UST: variants seen among roughly 807,000 people sequenced by gnomAD.
UST encodes chondroitin sulfate 2-O-sulfotransferase.
UST carries 21 observed loss-of-function variants against 45.6 expected under a neutral mutation model. That is an observed-to-expected ratio of 0.46 (90% CI 0.33 to 0.66). The LOEUF (loss-of-function observed/expected upper bound fraction) is 0.66, where lower values mean the gene tolerates loss of function less well. UST is among the 30% of genes least tolerant of loss of function. The pLI is 0.02. For missense variants in UST, 463 were observed against 512.4 expected (o/e 0.90, Z 0.93); for synonymous variants, 215 against 200.6 (o/e 1.07, Z -0.61).
At position 148,858,486 on chromosome 6, in the gene UST, T is replaced by G. The variant is rs533716377; in HGVS notation, c.248-28500T>G. Among the ~76,000 whole-genome samples the G allele has an allele frequency of 2.0e-4, 28 of 140,672 alleles. No individual in the cohort carries two copies. In the East Asian group the frequency reaches 6.4e-3, roughly 32 times the overall value. The allele number at this position is 140,672 out of a possible 152,430, so 92.3% of individuals were successfully genotyped here. On this transcript the variant is annotated intron_variant, in intron 1 of 7. Transcript: ENST00000367463. ...TCACAGACATACCCAGGAACAACATTTGCATCTTTCTTTTTTTTTTTTTAA... is the reference window on the plus strand; with the variant it reads ...TCACAGACATACCCAGGAACAACATGTGCATCTTTCTTTTTTTTTTTTTAA...
chr6:148,933,878 G>A lies in UST; in HGVS notation c.292-7401G>A, dbSNP rs1779969819. Among the ~76,000 whole-genome samples the A allele has an allele frequency of 2.0e-5, 3 of 152,202 alleles. No individual in the cohort carries two copies. In the South Asian group the frequency reaches 6.2e-4, roughly 31 times the overall value. On this transcript the variant is annotated intron_variant, in intron 2 of 7. Transcript: ENST00000367463. ...GACAAGCCCAAACAAGAATAGGACA[G>A]CCAAGGTGTCCAAAATAAAACTGGG... is the stretch of plus-strand genomic sequence containing the variant.
rs560961515 is a variant in UST at position 148,997,078 on chromosome 6, T to A, written c.682-22061T>A. On this transcript the variant is annotated intron_variant, in intron 5 of 7. Coordinates refer to ENST00000367463, the MANE Select transcript of UST (RefSeq NM_005715.3). ...CAGCCTTTGCTGTCTCCCTCCCTGC[T>A]TTTGGAGTCCCCGTGTCTGTTCTCA... Among the ~76,000 whole-genome samples the A allele has an allele frequency of 1.1e-4, 17 of 152,350 alleles. No individual in the cohort carries two copies. The South Asian group carries it at 3.5e-3, about 32-fold the overall frequency.
chr6:148,986,737 C>T (rs1381323104), intron 5 of UST, among the ~76,000 whole-genome samples: 1 of 152,242 alleles, frequency 6.6e-6, no homozygotes, highest in African/African-American at 2.4e-5. Context: ...TGAAACCACC[C>T]TCCTCCTCGG....
At chr6:149,019,278 C>A in intron 6 of UST, 42 bp downstream of exon 6, 2 of 1,503,772 alleles carry the variant, frequency 1.3e-6, no homozygotes, top group Non-Finnish European at 1.9e-6. Flanking sequence ...GTACGCACAA[C>A]AAGGGCAAGA....
intron 1 of UST, among the ~76,000 whole-genome samples, chr6:148,865,276 A>G (rs564687318): frequency 4.6e-5 from 7 of 152,254 alleles, no homozygotes; most frequent in African/African-American, 7.2e-5. Context: ...GAAGCTCAAA[A>G]TGGTCTCTGG....
intron 1 of UST, 135 bp from the exon 2 acceptor site, chr6:148,886,851 A>G: frequency 1.3e-6 from 1 of 745,080 alleles, no homozygotes. Flanking sequence ...CCAGTGATTA[A>G]TTCCCCATTT....
Position 149,074,048 on chromosome 6 carries a change from A to G in UST, c.1153A>G (p.Thr385Ala). 1 of 1,614,234 alleles carries G rather than the reference A, an allele frequency of 6.2e-7. No individual in the cohort carries two copies. The highest frequency in any genetic ancestry group is 1.1e-5 in the South Asian group (1 of 91,086). ...CTTCTTTATCCCAACTCCACTGGAAACCGAGGAGCCAATCGACGATGAAGA... is the reference window on the plus strand; with the variant it reads ...CTTCTTTATCCCAACTCCACTGGAAGCCGAGGAGCCAATCGACGATGAAGA... ...PHFFIPTPLETEEPIDDEEQD... is the reference protein window; with the variant it reads ...PHFFIPTPLEAEEPIDDEEQD... The change falls in exon 8 of 8, where the codon ACC becomes GCC. Residue 385 changes from threonine (T) to alanine (A), a missense_variant. By Grantham distance (58) the Thr-to-Ala change is moderately conservative. Around this residue, in one of 2 missense-constraint regions of UST, gnomAD observed 287 missense variants for 374.2 expected, o/e 0.77. Coordinates refer to ENST00000367463, the MANE Select transcript of UST (RefSeq NM_005715.3).
chr6:149,029,234 G>A lies in UST; in HGVS notation c.937+7753G>A, dbSNP rs192505431. On this transcript the variant is annotated intron_variant, in intron 7 of 7. Transcript: ENST00000367463. The stretch of plus-strand genomic sequence containing the variant: ...TGAAAGCCAGTGGAGACTAGGGGAA[G>A]AGGGTGGAGTTTTGCAATCAAATAA... Among the ~76,000 whole-genome samples the A allele has an allele frequency of 3.1e-3, 464 of 151,676 alleles. 3 individuals carry two copies. Among genetic ancestry groups the A allele is most frequent in the Non-Finnish European group, 3.9e-3 (262 of 67,952 alleles).
intron 1 of UST, among the ~76,000 whole-genome samples, chr6:148,877,674 T>A (rs1427253219): frequency 1.3e-5 from 1 of 78,646 alleles, no homozygotes; most frequent in South Asian, 4.5e-4. Flanking sequence ...GGGTCATGTA[T>A]GAGTGCAGGG....
chr6:148,821,282 T>C (rs1207648562), intron 1 of UST, among the ~76,000 whole-genome samples: 2 of 152,110 alleles, frequency 1.3e-5, no homozygotes, highest in African/African-American at 4.8e-5. Context: ...TATTTTTTTT[T>C]TTAAGTCTAA....
At chr6:148,973,543 G>C (rs1027327371) in intron 5 of UST, among the ~76,000 whole-genome samples, 1 of 152,216 alleles carries the variant, frequency 6.6e-6, no homozygotes, top group Non-Finnish European at 1.5e-5. Context: ...GCAGTCAGAG[G>C]TCTTGCTATT....
chr6:148,797,339 A>G (rs996242403), intron 1 of UST, among the ~76,000 whole-genome samples: 1 of 152,236 alleles, frequency 6.6e-6, no homozygotes, highest in African/African-American at 2.4e-5. Context: ...AAACAACAGC[A>G]ACAACAAAAT....
At chr6:148,846,770 T>C (rs1778000178) in intron 1 of UST, among the ~76,000 whole-genome samples, 1 of 152,248 alleles carries the variant, frequency 6.6e-6, no homozygotes, top group Non-Finnish European at 1.5e-5. Context: ...TTGAGAATTG[T>C]AGAAACAGTT....
At position 148,748,593 on chromosome 6, in the gene UST, G is replaced by C. The variant is rs146342613; in HGVS notation, c.247+916G>C. Among the ~76,000 whole-genome samples the C allele has an allele frequency of 6.6e-5, 10 of 152,232 alleles. No individual in the cohort carries two copies. Among genetic ancestry groups the C allele is most frequent in the Non-Finnish European group, 1.5e-4 (10 of 68,024 alleles). Reference sequence around the variant, plus strand: ...CGGGAGCCAGGGGTGCCAGGGACAGGCGAGCGCAAGCCCAGGTCGCAAGGA... The same window carrying C: ...CGGGAGCCAGGGGTGCCAGGGACAGCCGAGCGCAAGCCCAGGTCGCAAGGA... On this transcript the variant is annotated intron_variant, in intron 1 of 7. Coordinates refer to ENST00000367463, the MANE Select transcript of UST (RefSeq NM_005715.3). The surrounding 1 kb of genome is among the most constrained non-coding windows in gnomAD (Gnocchi z 5.3).
intron 5 of UST, among the ~76,000 whole-genome samples, chr6:148,969,594 A>G (rs372627741): frequency 6.6e-6 from 1 of 152,110 alleles, no homozygotes; most frequent in East Asian, 1.9e-4. Flanking sequence ...AAACTCTCCA[A>G]AACACATTTC....
intron 1 of UST, among the ~76,000 whole-genome samples, chr6:148,802,663 T>C (rs189542814): frequency 1.3e-4 from 20 of 152,290 alleles, no homozygotes; most frequent in African/African-American, 4.6e-4. Context: ...GTGACGAGAA[T>C]TGAGGGCCAG....
At chr6:148,752,049 T>G (rs1026895487) in intron 1 of UST, among the ~76,000 whole-genome samples, 13 of 152,242 alleles carry the variant, frequency 8.5e-5, no homozygotes, top group Admixed American at 6.5e-4. Flanking sequence ...TGCTTTCCTT[T>G]CCATTTTTAA....
intron 1 of UST, among the ~76,000 whole-genome samples, chr6:148,767,859 T>C (rs1776350677): frequency 6.6e-6 from 1 of 152,220 alleles, no homozygotes; most frequent in Non-Finnish European, 1.5e-5. Flanking sequence ...TTTTACAACA[T>C]TGGTTTTCAT....
chr6:148,930,886 A>G (rs1779908974), intron 2 of UST, among the ~76,000 whole-genome samples: 1 of 152,258 alleles, frequency 6.6e-6, no homozygotes, highest in African/African-American at 2.4e-5. Context: ...TACAATTCAC[A>G]CTCAAGAAAC....
Sources: gnomAD v4.1 joint callset for allele counts (sites outside exome capture counted in the v4.1 genomes callset) on GRCh38, gnomAD v4.1.1 for gene constraint, gnomAD v4.1.1 regional missense constraint, Gnocchi (gnomAD v3.1) non-coding constraint, MANE v1.5 for transcripts, NCBI Gene and HGNC (gene_info 2026-07-23, HGNC 2026-07-21) for gene names.